SCN9A: variants seen among roughly 807,000 people sequenced by gnomAD.
SCN9A encodes the protein sodium channel protein type 9 subunit alpha.
A neutral mutation model predicts 187.0 loss-of-function variants in SCN9A; 131 were observed. That is an observed-to-expected ratio of 0.70 (90% confidence interval 0.61 to 0.81). The LOEUF is 0.81. SCN9A is among the 30% of genes least tolerant of loss of function. SCN9A has a pLI of 0.00. For synonymous variants in SCN9A, 809 were observed against 808.6 expected, an observed-to-expected ratio of 1.00 and a Z score of -0.01; for missense variants, 2,252 against 2,396.6, an observed-to-expected ratio of 0.94 and a Z score of 1.26.
At chr2:166,320,666 A>G (rs1699215699) in intron 1 of SCN9A, among the ~76,000 whole-genome samples, 1 of 152,174 alleles carries the variant, frequency 6.6e-6, no homozygotes, top group Non-Finnish European at 1.5e-5. Flanking sequence ...CAATTCTTCC[A>G]TAGTGAGCTT....
intron 24 of SCN9A, among the ~76,000 whole-genome samples, chr2:166,218,866 T>C (rs1382638120): frequency 6.6e-6 from 1 of 151,314 alleles, no homozygotes; most frequent in Non-Finnish European, 1.5e-5. Context: ...CTTAAATGAG[T>C]TTACAAGAAA....
Position 166,198,767 on chromosome 2 carries a change from A to G in SCN9A, c.5872T>C (p.Tyr1958His). ...TTGTCTGGCTTTGTTACACTATCAT[A>G]TGAAGGTGGAGAGGTGGTGGATGAA... ...ATSSTTSPPSYDSVTKPDKEK... is the reference protein window; with the variant it reads ...ATSSTTSPPSHDSVTKPDKEK... The change falls in exon 27 of 27, where the codon TAT (tyrosine) becomes CAT (histidine). Residue 1958 changes from tyrosine (Y) to histidine (H), a missense_variant. Transcript: ENST00000642356. The G allele has an allele frequency of 6.2e-7, 1 of 1,613,464 alleles. No individual in the cohort carries two copies.
intron 2 of SCN9A, among the ~76,000 whole-genome samples, chr2:166,309,562 C>G (rs1328641833): frequency 2.6e-5 from 4 of 151,876 alleles, no homozygotes; most frequent in Admixed American, 1.3e-4. Context: ...AGGACCTCTT[C>G]GAGGAGAACT....
intron 24 of SCN9A, among the ~76,000 whole-genome samples, chr2:166,214,468 C>T (rs1441449910): frequency 6.6e-6 from 1 of 151,316 alleles, no homozygotes; most frequent in East Asian, 1.9e-4. Context: ...TCTTCCCTGG[C>T]TTCCTCCAGA....
At chr2:166,323,640 A>G (rs954730641) in intron 1 of SCN9A, among the ~76,000 whole-genome samples, 1 of 152,126 alleles carries the variant, frequency 6.6e-6, no homozygotes, top group East Asian at 1.9e-4. Flanking sequence ...TGGCCACATA[A>G]CAGGTACTAA....
intron 16 of SCN9A, among the ~76,000 whole-genome samples, chr2:166,276,229 C>T (rs776779379): frequency 2.6e-5 from 4 of 152,010 alleles, no homozygotes; most frequent in African/African-American, 9.7e-5. Flanking sequence ...TATGTCCACG[C>T]GATGCTATAG....
chr2:166,222,774 T>C (rs1235885119), intron 24 of SCN9A, among the ~76,000 whole-genome samples: 1 of 141,868 alleles, frequency 7.0e-6, no homozygotes, highest in East Asian at 2.0e-4. Context: ...CTACTAAAAA[T>C]ACAAAAATTA....
At chr2:166,257,430 A>C (rs1483094021) in intron 17 of SCN9A, among the ~76,000 whole-genome samples, 1 of 151,684 alleles carries the variant, frequency 6.6e-6, no homozygotes, top group African/African-American at 2.4e-5. Context: ...AAGGAGGGCA[A>C]GGAAAAGTGA....
chr2:166,309,357 A>C (rs573539819), intron 2 of SCN9A, among the ~76,000 whole-genome samples: 1 of 152,324 alleles, frequency 6.6e-6, no homozygotes, highest in East Asian at 1.9e-4. Context: ...CTGCATACAC[A>C]TGAGAGTTAA....
At chr2:166,296,646 C>T in intron 7 of SCN9A, among the ~76,000 whole-genome samples, 1 of 152,104 alleles carries the variant, frequency 6.6e-6, no homozygotes, top group Non-Finnish European at 1.5e-5. Flanking sequence ...GGCTCTGGAG[C>T]TGTCTATTAG....
intron 7 of SCN9A, among the ~76,000 whole-genome samples, chr2:166,296,537 T>C (rs1698310488): frequency 6.6e-6 from 1 of 152,136 alleles, no homozygotes; most frequent in Admixed American, 6.6e-5. Context: ...TACATAAACA[T>C]CCAAAATATT....
intron 1 of SCN9A, among the ~76,000 whole-genome samples, chr2:166,370,946 A>T (rs1700546684): frequency 6.6e-6 from 1 of 152,240 alleles, no homozygotes; most frequent in Non-Finnish European, 1.5e-5. Context: ...GTATTTTGAT[A>T]AATGATTCAG....
chr2:166,360,042 A>G (rs1173565391), intron 1 of SCN9A, among the ~76,000 whole-genome samples: 2 of 151,254 alleles, frequency 1.3e-5, no homozygotes, highest in Non-Finnish European at 1.5e-5. Context: ...ACCAACATGG[A>G]GAAACCCCGT....
chr2:166,364,000 T>C (rs1559065336), intron 1 of SCN9A, among the ~76,000 whole-genome samples: 1 of 151,666 alleles, frequency 6.6e-6, no homozygotes, highest in Non-Finnish European at 1.5e-5. Context: ...CAACAAAAAA[T>C]AAACAAGCAG....
At chr2:166,367,012 G>A (rs1439437360) in intron 1 of SCN9A, among the ~76,000 whole-genome samples, 5 of 152,152 alleles carry the variant, frequency 3.3e-5, no homozygotes, top group Admixed American at 3.3e-4. Context: ...ATGACAATAA[G>A]TACTGTGATT....
intron 1 of SCN9A, among the ~76,000 whole-genome samples, chr2:166,352,467 C>T (rs1384612908): frequency 6.6e-6 from 1 of 152,028 alleles, no homozygotes; most frequent in East Asian, 1.9e-4. Context: ...ACTAAGAAAC[C>T]AAATAAGGCA....
Position 166,280,535 on chromosome 2 carries a change from A to G in SCN9A, c.2165T>C (p.Leu722Ser), listed in dbSNP as rs187526567. ...PWWYRFAHKFLIWNCSPYWIK... is the reference protein window; with the variant it reads ...PWWYRFAHKFSIWNCSPYWIK... ...CCAATATGGAGAGCAATTCCAGATC[A>G]AGAATTTGTGTGCAAATCTGTACCA... The change falls in exon 14 of 27, where the codon TTG (leucine) becomes TCG (serine). Residue 722 changes from leucine to serine, a missense_variant. Transcript: ENST00000642356. 109 of 1,592,658 alleles carry G rather than the reference A, an allele frequency of 6.8e-5. No individual in the cohort carries two copies. In the East Asian group the frequency reaches 2.3e-3, roughly 33 times the overall value.
In SCN9A at chr2:166,270,210, A is replaced by G. The variant is rs536833913; in HGVS notation, c.3351+2189T>C. On this transcript the variant is annotated intron_variant, in intron 17 of 26. Transcript: ENST00000642356. ...TACAGATGGAAAATAATTGGAAAAAATAAATATAAAAATACAACAATAAAA... is the reference window on the plus strand; with the variant it reads ...TACAGATGGAAAATAATTGGAAAAAGTAAATATAAAAATACAACAATAAAA... 3.8e-4 allele frequency among the ~76,000 whole-genome samples: 58 copies of G among 152,260 alleles called. 1 individual carries two copies. The South Asian group carries it at 5.6e-3, about 15-fold the overall frequency.
At chr2:166,214,553 C>A (rs1287856261) in intron 24 of SCN9A, among the ~76,000 whole-genome samples, 3 of 93,412 alleles carry the variant, frequency 3.2e-5, no homozygotes, top group Non-Finnish European at 5.7e-5. Context: ...CTCGCTCTGT[C>A]GCCCAGGCTG....
Sources: allele counts gnomAD v4.1 joint callset (sites outside exome capture counted in the v4.1 genomes callset), GRCh38; gene constraint gnomAD v4.1.1; transcripts MANE v1.5; gene names NCBI Gene and HGNC (gene_info 2026-07-23, HGNC 2026-07-21).